DNAJC1: variants seen among roughly 807,000 people sequenced by gnomAD.
DNAJC1 encodes DnaJ heat shock protein family (Hsp40) member C1, also known as dnaJ homolog subfamily C member 1.
In DNAJC1, 58 loss-of-function variants were observed where a neutral mutation model predicts 76.6. The observed-to-expected ratio is 0.76, with a 90% CI of 0.61 to 0.94. DNAJC1 has a LOEUF of 0.94. DNAJC1 is among the 40% of genes least tolerant of loss of function. The probability of loss-of-function intolerance (pLI) is 0.00; values close to 1 mark genes in which losing one functional copy is unlikely to be tolerated. For synonymous variants in DNAJC1, 258 were observed against 267.9 expected (o/e 0.96, Z 0.36); for missense variants, 689 against 677.3 (o/e 1.02, Z -0.19).
intron 8 of DNAJC1, chr10:21,860,832 A>G (rs940569801): frequency 6.6e-6 from 1 of 152,408 alleles, no homozygotes; most frequent in Admixed American, 6.5e-5. Flanking sequence ...GGTCACCATG[A>G]CTAATTGGGT....
intron 9 of DNAJC1, among the ~76,000 whole-genome samples, chr10:21,770,467 G>A (rs1834360268): frequency 5.6e-5 from 8 of 141,820 alleles, no homozygotes. Flanking sequence ...GCACGATCTC[G>A]ACTCACTGCA....
chr10:21,995,744 C>G (rs1441235070), intron 1 of DNAJC1, among the ~76,000 whole-genome samples: 2 of 152,142 alleles, frequency 1.3e-5, no homozygotes, highest in Non-Finnish European at 2.9e-5. Context: ...TTGCAATATG[C>G]CTGGTTACAT....
intron 1 of DNAJC1, among the ~76,000 whole-genome samples, chr10:21,937,507 T>C (rs1188459549): frequency 2.0e-5 from 3 of 151,922 alleles, no homozygotes; most frequent in Non-Finnish European, 4.4e-5. Context: ...AAATAGACAA[T>C]TCTATAATAA....
intron 9 of DNAJC1, among the ~76,000 whole-genome samples, chr10:21,779,104 G>C (rs1055819644): frequency 6.6e-6 from 1 of 152,220 alleles, no homozygotes; most frequent in African/African-American, 2.4e-5. Context: ...CAGGAAGCTC[G>C]AACTGGGTTG....
At position 21,963,510 on chromosome 10, in the gene DNAJC1, G is replaced by T. The variant is rs115600862; in HGVS notation, c.223-34369C>A. On this transcript the variant is annotated intron_variant, in intron 1 of 11. Transcript: ENST00000376980. ...TGAAGGTTTGAACAAGTTGTGGAAG[G>T]TTTACAAAGAAAACTATTATGTAAA... is the stretch of plus-strand genomic sequence containing the variant. 6.5e-3 allele frequency among the ~76,000 whole-genome samples: 996 copies of T among 152,282 alleles called. 12 individuals carry two copies. Among genetic ancestry groups the T allele is most frequent in the African/African-American group, 0.023 (936 of 41,544 alleles).
At chr10:21,756,923 T>C (rs936385121) in intron 11 of DNAJC1, among the ~76,000 whole-genome samples, 168 bp from the exon 12 acceptor site, 28 of 152,140 alleles carry the variant, frequency 1.8e-4, no homozygotes, top group Non-Finnish European at 2.9e-4. Context: ...CAGACCGGTC[T>C]GGGCAGTGCG....
At chr10:21,922,753 G>A (rs1044112502) in intron 3 of DNAJC1, among the ~76,000 whole-genome samples, 4 of 151,890 alleles carry the variant, frequency 2.6e-5, no homozygotes. Flanking sequence ...CTTAAGTCCT[G>A]AATCTATTCT....
intron 1 of DNAJC1, among the ~76,000 whole-genome samples, chr10:21,993,754 T>C (rs1838366304): frequency 6.6e-6 from 1 of 152,246 alleles, no homozygotes; most frequent in African/African-American, 2.4e-5. Context: ...TAACTTGCTT[T>C]ATTATAGAAA....
chr10:21,935,055 T>C lies in DNAJC1; in HGVS notation c.223-5914A>G, dbSNP rs12360256. ...AAATACCACTGCCACATTATATATA[T>C]CTAAAATGTCTAATACTCAATAAAA... On this transcript the variant is annotated intron_variant, in intron 1 of 11. Coordinates refer to ENST00000376980, the MANE Select transcript of DNAJC1 (RefSeq NM_022365.4). 1.6e-3 allele frequency among the ~76,000 whole-genome samples: 236 copies of C among 151,932 alleles called. 1 individual carries two copies. The highest frequency in any genetic ancestry group is 2.7e-3 in the Non-Finnish European group (183 of 67,978).
At position 21,759,278 on chromosome 10, in the gene DNAJC1, C is replaced by A. The variant is rs368149076; in HGVS notation, c.1488G>T (p.Pro496=). Residue 496 remains proline (P), a synonymous_variant, in exon 11 of 12, where the codon CCG becomes CCT. Transcript: ENST00000376980. ...GAAGTTTCTGTTGATTTTGAGTCCACGGCTCCTCTGCAGACCGAGCTCTCT... is the reference window on the plus strand; with the variant it reads ...GAAGTTTCTGTTGATTTTGAGTCCAAGGCTCCTCTGCAGACCGAGCTCTCT... The part of the protein sequence containing the change: ...RKERARSAEE[P]WTQNQQKLLE... The A allele has an allele frequency of 3.7e-6, 6 of 1,614,108 alleles. No homozygotes were observed. The African/African-American group carries it at 8.0e-5, about 22-fold the overall frequency.
Position 21,766,383 on chromosome 10 carries a change from A to G in DNAJC1, c.1099-74T>C, listed in dbSNP as rs1360304098. On this transcript the variant is annotated intron_variant, in intron 9 of 11. Transcript: ENST00000376980. Reference sequence around the variant, plus strand: ...TATGCTGAGTGAAACGATTCCATGTAAGCTCCATGTGAATGAACACAGTTC... The same window carrying G: ...TATGCTGAGTGAAACGATTCCATGTGAGCTCCATGTGAATGAACACAGTTC... 9.0e-6 allele frequency: 10 copies of G among 1,113,508 alleles called. 1 individual carries two copies. Among genetic ancestry groups the G allele is most frequent in the South Asian group, 2.5e-5 (2 of 80,252 alleles). 69.0% of individuals were successfully genotyped at this position (1,113,508 alleles called of 1,614,324 possible).
At chr10:21,839,795 CA>C (rs975664820) in intron 8 of DNAJC1, among the ~76,000 whole-genome samples, 1 of 151,956 alleles carries the variant, frequency 6.6e-6, no homozygotes, top group African/African-American at 2.4e-5. Context: ...AGAGACACAA[CA>C]AAAAAAGAGA....
chr10:21,903,126 T>C (rs1044792077), intron 7 of DNAJC1, among the ~76,000 whole-genome samples: 2 of 151,954 alleles, frequency 1.3e-5, no homozygotes, highest in African/African-American at 4.8e-5. Flanking sequence ...GGGGTTTTTA[T>C]GTTGGCTAGG....
intron 8 of DNAJC1, among the ~76,000 whole-genome samples, chr10:21,846,853 A>T (rs1046125382): frequency 2.6e-5 from 4 of 152,036 alleles, no homozygotes; most frequent in African/African-American, 9.6e-5. Context: ...TTTCCATATC[A>T]AAGATGAAAG....
chr10:21,977,929 T>C (rs1408782582), intron 1 of DNAJC1, among the ~76,000 whole-genome samples: 1 of 152,158 alleles, frequency 6.6e-6, no homozygotes, highest in African/African-American at 2.4e-5. Context: ...AAAAAATCTA[T>C]GCCCAAGATA....
At chr10:21,979,011 G>T (rs558197700) in intron 1 of DNAJC1, among the ~76,000 whole-genome samples, 1 of 151,242 alleles carries the variant, frequency 6.6e-6, no homozygotes, top group Non-Finnish European at 1.5e-5. Flanking sequence ...AGTAAACAGC[G>T]GAATGATATT....
chr10:21,769,186 T>C lies in DNAJC1; in HGVS notation c.1099-2877A>G, dbSNP rs184640409. ...TCATCCCAGCTATTCGATAATACTTTAGAAAAGAAATGATTAACCTAGGTC... is the reference window on the plus strand; with the variant it reads ...TCATCCCAGCTATTCGATAATACTTCAGAAAAGAAATGATTAACCTAGGTC... On this transcript the variant is annotated intron_variant, in intron 9 of 11. Coordinates refer to ENST00000376980, the MANE Select transcript of DNAJC1 (RefSeq NM_022365.4). Among the ~76,000 whole-genome samples the C allele has an allele frequency of 5.3e-5, 8 of 152,320 alleles. No homozygotes were observed. The East Asian group carries it at 1.3e-3, about 26-fold the overall frequency.
intron 7 of DNAJC1, among the ~76,000 whole-genome samples, chr10:21,903,345 T>A (rs1461192636): frequency 1.3e-5 from 2 of 152,250 alleles, no homozygotes; most frequent in African/African-American, 4.8e-5. Context: ...AAGAGTTTCA[T>A]TTGCACACTC....
chr10:21,850,657 A>G (rs1490541662), intron 8 of DNAJC1, among the ~76,000 whole-genome samples: 1 of 152,042 alleles, frequency 6.6e-6, no homozygotes, highest in Non-Finnish European at 1.5e-5. Context: ...CATGTTTTGC[A>G]GAAACAAAAA....
Sources: gnomAD v4.1 joint callset for allele counts (sites outside exome capture counted in the v4.1 genomes callset) on GRCh38, gnomAD v4.1.1 for gene constraint, MANE v1.5 for transcripts, NCBI Gene and HGNC (gene_info 2026-07-23, HGNC 2026-07-21) for gene names.